Variants in EFCAB6 observed in about 807,000 individuals in gnomAD.
EFCAB6 encodes EF-hand calcium-binding domain-containing protein 6.
A neutral mutation model predicts 169.8 loss-of-function variants in EFCAB6; 156 were observed. The ratio of observed to expected loss-of-function variants is 0.92; its 90% CI spans 0.81 to 1.05. The LOEUF (loss-of-function observed/expected upper bound fraction) is 1.05. EFCAB6 is among the 50% of genes least tolerant of loss of function. EFCAB6 has a pLI of 0.00. For synonymous variants in EFCAB6, 698 were observed against 676.4 expected (o/e 1.03, Z -0.50); for missense variants, 1,800 against 1,829.1 (o/e 0.98, Z 0.29).
intron 19 of EFCAB6, among the ~76,000 whole-genome samples, chr22:43,627,121 C>A (rs2054583203): frequency 6.6e-6 from 1 of 152,170 alleles, no homozygotes; most frequent in Non-Finnish European, 1.5e-5. Context: ...CAAGGAGCCA[C>A]CTGAAGGCCA....
Position 43,780,149 on chromosome 22 carries a change from G to A in EFCAB6, c.139+2031C>T, listed in dbSNP as rs527675180. On this transcript the variant is annotated intron_variant, in intron 3 of 31. Transcript: ENST00000262726. ...CATGAGTGAGAATGTGCTAAGGTGT[G>A]AGCTTCCTGAAGGGTAATCTGGTGG... 5.3e-5 allele frequency among the ~76,000 whole-genome samples: 8 copies of A among 152,214 alleles called. No homozygotes were observed. The East Asian group carries it at 1.2e-3, about 22-fold the overall frequency.
At chr22:43,664,498 T>C (rs1188539106) in intron 17 of EFCAB6, among the ~76,000 whole-genome samples, 2 of 152,062 alleles carry the variant, frequency 1.3e-5, no homozygotes, top group Admixed American at 6.5e-5. Flanking sequence ...ACAGGTGCTG[T>C]GAACAGGAAA....
chr22:43,589,280 CAAAAAAAAAAA>C (rs1163346832), intron 24 of EFCAB6, among the ~76,000 whole-genome samples: 2,091 of 79,042 alleles, frequency 0.026, 2 homozygotes, highest in African/African-American at 0.042. Context: ...GACTTCATGT[CAAAAAAAAAAA>C]AAAAAAAAAA....
intron 20 of EFCAB6, among the ~76,000 whole-genome samples, chr22:43,618,226 A>G (rs1008761932): frequency 2.3e-3 from 329 of 144,702 alleles, no homozygotes; most frequent in South Asian, 5.3e-3. Flanking sequence ...AAGAAAGAGA[A>G]AGAAAGAAAG....
intron 14 of EFCAB6, 25 bp downstream of exon 14, chr22:43,672,220 AC>A (rs1191125962): frequency 1.2e-6 from 2 of 1,614,026 alleles, no homozygotes; most frequent in African/African-American, 2.7e-5. Context: ...GAAGGCATCC[AC>A]ACAAAGAAGG....
intron 2 of EFCAB6, among the ~76,000 whole-genome samples, chr22:43,784,581 ACATATATATG>A (rs2061971397): frequency 3.8e-5 from 3 of 79,120 alleles, no homozygotes; most frequent in Non-Finnish European, 5.1e-5. Context: ...GTACATATAC[ACATATATATG>A]TATATATACA....
In EFCAB6 at chr22:43,744,087, G is replaced by GATGA. The variant is rs3052604; in HGVS notation, c.508-8098_508-8095dup. On this transcript the variant is annotated intron_variant, in intron 6 of 31. Coordinates refer to ENST00000262726, the MANE Select transcript of EFCAB6 (RefSeq NM_022785.4). This position sits in a 1 kb window ranked among gnomAD's most constrained non-coding sequence, Gnocchi z 4.3. ...TGGATGAACGGATGAATGGATGAAT[G>GATGA]ATGAATGAATGAATGAATGAATGAA... 0.1 allele frequency among the ~76,000 whole-genome samples: 15,585 copies of GATGA among 148,504 alleles called. 845 individuals are homozygous for GATGA. The highest frequency in any genetic ancestry group is 0.19 in the East Asian group (972 of 5,080).
At chr22:43,653,141 C>T (rs914303436) in intron 17 of EFCAB6, among the ~76,000 whole-genome samples, 5 of 152,032 alleles carry the variant, frequency 3.3e-5, no homozygotes, top group African/African-American at 7.2e-5. Context: ...GGAGAGAATG[C>T]GCATAACAAC....
intron 26 of EFCAB6, among the ~76,000 whole-genome samples, chr22:43,574,645 CAA>C (rs11287560): frequency 0.095 from 13,172 of 138,560 alleles, 638 homozygotes; most frequent in Middle Eastern, 0.14. Flanking sequence ...TTTAAAATGA[CAA>C]AAAAAAAAAA....
chr22:43,782,440 C>G (rs1027867647), intron 2 of EFCAB6, 115 bp from the exon 3 acceptor site: 11 of 866,382 alleles, frequency 1.3e-5, no homozygotes, highest in Admixed American at 2.7e-5. Context: ...AAAAATGATG[C>G]TAGTCATAAT....
chr22:43,624,524 C>G (rs1569268887), intron 20 of EFCAB6, among the ~76,000 whole-genome samples: 1 of 152,306 alleles, frequency 6.6e-6, no homozygotes, highest in Middle Eastern at 3.4e-3. Context: ...AACACTCCCG[C>G]CTGCCTCTGT....
chr22:43,725,506 C>A (rs1430922734), intron 8 of EFCAB6, among the ~76,000 whole-genome samples: 1 of 152,188 alleles, frequency 6.6e-6, no homozygotes, highest in African/African-American at 2.4e-5. Flanking sequence ...AGGGGCAGAG[C>A]CCTCATGACT....
chr22:43,654,763 G>A (rs574465129), intron 17 of EFCAB6, among the ~76,000 whole-genome samples: 10 of 152,276 alleles, frequency 6.6e-5, no homozygotes, highest in South Asian at 4.2e-4. Flanking sequence ...GTAAGGAAAC[G>A]TGAAGAAACC....
At chr22:43,784,519 GTGT>G (rs2061948661) in intron 2 of EFCAB6, among the ~76,000 whole-genome samples, 1 of 122,120 alleles carries the variant, frequency 8.2e-6, no homozygotes, top group Non-Finnish European at 1.7e-5. Flanking sequence ...ATATGTGTGT[GTGT>G]GTGTGTGTGT....
chr22:43,599,509 CAAAAAAAAAAAAAAAAAAAAAA>C (rs58130994), intron 23 of EFCAB6, among the ~76,000 whole-genome samples: 475 of 44,242 alleles, frequency 0.011, 10 homozygotes, highest in South Asian at 0.052. Flanking sequence ...GATTCCATCT[CAAAAAAAAAAAAAAAAAAAAAA>C]AAAAAAAAAA....
rs764955665 is a variant in EFCAB6, at chr22:43,711,557, C to T, written c.949G>A (p.Val317Met). 1.7e-5 allele frequency: 27 copies of T among 1,604,484 alleles called. No individual in the cohort carries two copies. Among genetic ancestry groups the T allele is most frequent in the Non-Finnish European group, 2.0e-5 (24 of 1,177,878 alleles). The change falls in exon 10 of 32, where the codon GTG (valine) becomes ATG (methionine). Residue 317 changes from valine (V) to methionine (M), a missense_variant. Coordinates refer to ENST00000262726, the MANE Select transcript of EFCAB6 (RefSeq NM_022785.4). ...SAGDPCKGGY[V>M]SFNYLKIVLD... ...ACAATCTTTAGATAATTAAAAGACA[C>T]GTAGCCACCTTTACAGGGGTCCCCT...
chr22:43,721,971 A>G (rs1020199734), intron 8 of EFCAB6, among the ~76,000 whole-genome samples: 4 of 152,160 alleles, frequency 2.6e-5, no homozygotes, highest in Non-Finnish European at 5.9e-5. Flanking sequence ...GAATGGGAGA[A>G]AATATTTGAA....
chr22:43,633,711 C>T (rs1337360529), intron 18 of EFCAB6, among the ~76,000 whole-genome samples: 2 of 152,190 alleles, frequency 1.3e-5, no homozygotes, highest in African/African-American at 4.8e-5. Flanking sequence ...TGCTCCTGCG[C>T]CCTCCCCACG....
intron 24 of EFCAB6, 124 bp from the exon 25 acceptor site, chr22:43,580,783 C>T: frequency 9.6e-7 from 1 of 1,038,612 alleles, no homozygotes; most frequent in Non-Finnish European, 1.4e-6. Context: ...GACACCATTC[C>T]CTTCGCTGTA....
Sources: allele counts gnomAD v4.1 joint callset (sites outside exome capture counted in the v4.1 genomes callset), GRCh38; gene constraint gnomAD v4.1.1; non-coding constraint Gnocchi (gnomAD v3.1); transcripts MANE v1.5; gene names NCBI Gene and HGNC (gene_info 2026-07-23, HGNC 2026-07-21).